CACNB2: variants seen among roughly 807,000 people sequenced by gnomAD.
CACNB2 encodes the protein calcium voltage-gated channel auxiliary subunit beta 2, also known as voltage-dependent L-type calcium channel subunit beta-2.
A neutral mutation model predicts 73.3 loss-of-function variants in CACNB2; 42 were observed. The ratio of observed to expected loss-of-function variants is 0.57; its 90% CI spans 0.45 to 0.74. The LOEUF (loss-of-function observed/expected upper bound fraction) is 0.74. Ranked by LOEUF, CACNB2 falls within the 30% of genes least tolerant of loss-of-function variation. The probability of loss-of-function intolerance (pLI) is 0.00; values close to 1 mark genes in which losing one functional copy is unlikely to be tolerated. For missense variants in CACNB2, 940 were observed against 853.0 expected, an observed-to-expected ratio of 1.10 and a Z score of -1.27; for synonymous variants, 348 against 310.3, an observed-to-expected ratio of 1.12 and a Z score of -1.28.
chr10:18,322,068 A>C (rs1258448456), intron 2 of CACNB2, among the ~76,000 whole-genome samples: 1 of 152,052 alleles, frequency 6.6e-6, no homozygotes, highest in African/African-American at 2.4e-5. Flanking sequence ...AGGCAGGAGG[A>C]TCTCTTGAGC....
At chr10:18,363,307 A>G (rs541830880) in intron 2 of CACNB2, among the ~76,000 whole-genome samples, 1 of 152,188 alleles carries the variant, frequency 6.6e-6, no homozygotes, top group African/African-American at 2.4e-5. Flanking sequence ...CTTTTCAGAC[A>G]TAACACCTAT....
At chr10:18,358,671 T>TA (rs2042029502) in intron 2 of CACNB2, among the ~76,000 whole-genome samples, 1 of 151,982 alleles carries the variant, frequency 6.6e-6, no homozygotes, top group South Asian at 2.1e-4. Flanking sequence ...TCAGAATACT[T>TA]ACCATATAAA....
intron 2 of CACNB2, among the ~76,000 whole-genome samples, chr10:18,198,145 C>T (rs2034712943): frequency 6.8e-6 from 1 of 147,392 alleles, no homozygotes; most frequent in Non-Finnish European, 1.5e-5. Context: ...ATATATATTA[C>T]ATATCACACA....
At chr10:18,385,509 C>G (rs1342179788) in intron 2 of CACNB2, among the ~76,000 whole-genome samples, 2 of 151,348 alleles carry the variant, frequency 1.3e-5, no homozygotes, top group Non-Finnish European at 1.5e-5. Context: ...TGCCTCTAAT[C>G]CCAGCTACTA....
At chr10:18,261,978 C>A (rs776677078) in intron 2 of CACNB2, 1 of 518,954 alleles carries the variant, frequency 1.9e-6, no homozygotes, top group South Asian at 1.4e-5. Flanking sequence ...CTGTGCCTTA[C>A]ACTAGCCGAC....
rs1255506039 is a variant in CACNB2 at position 18,304,824 on chromosome 10, C to CT, written c.214-97099dup. 2.0e-5 allele frequency among the ~76,000 whole-genome samples: 3 copies of CT among 152,334 alleles called. No homozygotes were observed. In the East Asian group the frequency reaches 5.8e-4, roughly 29 times the overall value. On this transcript the variant is annotated intron_variant, in intron 2 of 13. Transcript: ENST00000324631. ...ATTAAATAAGCATGAAGAAATCTCT[C>CT]TCTCTGCTCTTCCTTAATTAAAACA...
chr10:18,415,853 C>T (rs1050737811), intron 3 of CACNB2, among the ~76,000 whole-genome samples: 3 of 152,268 alleles, frequency 2.0e-5, no homozygotes. Flanking sequence ...TTTCATCTTG[C>T]AAATCTGAAA....
chr10:18,150,360 C>T (rs1045827981), intron 1 of CACNB2, among the ~76,000 whole-genome samples: 12 of 152,206 alleles, frequency 7.9e-5, no homozygotes, highest in Non-Finnish European at 1.3e-4. Context: ...TTATTAAATG[C>T]TTTGCCAAGA....
intron 2 of CACNB2, among the ~76,000 whole-genome samples, chr10:18,371,773 A>G (rs75344073): frequency 0.29 from 44,650 of 152,054 alleles, 7,007 homozygotes; most frequent in East Asian, 0.67. Context: ...CTGAGGAATC[A>G]CCACGCTGAC....
chr10:18,464,663 A>G (rs918993971), intron 3 of CACNB2, among the ~76,000 whole-genome samples: 4 of 152,088 alleles, frequency 2.6e-5, no homozygotes, highest in African/African-American at 9.7e-5. Flanking sequence ...AAATACACCC[A>G]GCTTCACCAC....
At chr10:18,146,310 T>TTTTC (rs2030974005) in intron 1 of CACNB2, among the ~76,000 whole-genome samples, 1 of 146,556 alleles carries the variant, frequency 6.8e-6, no homozygotes, top group African/African-American at 2.5e-5. Context: ...AGACTAATTT[T>TTTTC]TTTTTTTTTT....
chr10:18,314,716 A>G (rs1437112886), intron 2 of CACNB2, among the ~76,000 whole-genome samples: 1 of 152,170 alleles, frequency 6.6e-6, no homozygotes, highest in Non-Finnish European at 1.5e-5. Context: ...TACAGTACCC[A>G]CTGTAACAAA....
chr10:18,218,643 G>A (rs993041609), intron 2 of CACNB2, among the ~76,000 whole-genome samples: 3 of 151,658 alleles, frequency 2.0e-5, no homozygotes, highest in African/African-American at 4.8e-5. Flanking sequence ...GTACTTTTGG[G>A]TGGATCATGA....
At chr10:18,393,273 C>T (rs1369695697) in intron 2 of CACNB2, among the ~76,000 whole-genome samples, 1 of 151,872 alleles carries the variant, frequency 6.6e-6, no homozygotes, top group South Asian at 2.1e-4. Context: ...TCCCAAAACA[C>T]ACATACACAT....
rs1471152627 is a variant in CACNB2, at chr10:18,485,141, TA to T, written c.334-13207del. Among the ~76,000 whole-genome samples, 3 of 152,098 alleles carry T rather than the reference TA, an allele frequency of 2.0e-5. No individual in the cohort carries two copies. The East Asian group carries it at 5.8e-4, about 29-fold the overall frequency. ...TGTGTGACAGAGTGAGACCCTGTCTTAAAAAAAGTATATATTTGTTTCAAAA... is the reference window on the plus strand; with the variant it reads ...TGTGTGACAGAGTGAGACCCTGTCTTAAAAAAGTATATATTTGTTTCAAAA... On this transcript the variant is annotated intron_variant, in intron 3 of 13. Coordinates refer to ENST00000324631, the MANE Select transcript of CACNB2 (RefSeq NM_201596.3).
intron 3 of CACNB2, among the ~76,000 whole-genome samples, chr10:18,437,490 G>A (rs1490572525): frequency 3.3e-5 from 5 of 152,176 alleles, no homozygotes; most frequent in Admixed American, 3.3e-4. Flanking sequence ...ACTGCATACC[G>A]TCTCCACAGA....
intron 3 of CACNB2, among the ~76,000 whole-genome samples, chr10:18,489,830 T>C (rs1244922700): frequency 6.6e-6 from 1 of 152,168 alleles, no homozygotes; most frequent in Admixed American, 6.5e-5. Flanking sequence ...CAAATATTGA[T>C]TGGAAACATA....
chr10:18,195,232 T>C (rs893687830), intron 2 of CACNB2, among the ~76,000 whole-genome samples: 1 of 152,208 alleles, frequency 6.6e-6, no homozygotes, highest in African/African-American at 2.4e-5. Flanking sequence ...AGTGCATATT[T>C]TGAGGCTTTA....
intron 2 of CACNB2, among the ~76,000 whole-genome samples, chr10:18,265,039 G>A (rs10828399): frequency 0.57 from 87,171 of 151,882 alleles, 25,549 homozygotes; most frequent in East Asian, 0.73. Context: ...GCATTTTAGC[G>A]TGTCTGATGA....
Sources: gnomAD v4.1 joint callset for allele counts (sites outside exome capture counted in the v4.1 genomes callset) on GRCh38, gnomAD v4.1.1 for gene constraint, MANE v1.5 for transcripts, NCBI Gene and HGNC (gene_info 2026-07-23, HGNC 2026-07-21) for gene names.